VRK2: variants seen among roughly 807,000 people sequenced by gnomAD.
VRK2 encodes the protein VRK serine/threonine kinase 2, also known as serine/threonine-protein kinase VRK2.
In VRK2, 60 loss-of-function variants were observed where a neutral mutation model predicts 57.6. That is an observed-to-expected ratio of 1.04 (90% CI 0.85 to 1.29). VRK2 has a LOEUF of 1.29. VRK2 is among the 50% of genes most tolerant of loss of function. The probability of loss-of-function intolerance (pLI) is 0.00; values close to 1 mark genes in which losing one functional copy is unlikely to be tolerated. For missense variants in VRK2, 705 were observed against 588.1 expected (o/e 1.20, Z -2.06); for synonymous variants, 231 against 199.2 (o/e 1.16, Z -1.35).
In VRK2 at chr2:58,135,121, A is replaced by G. The variant is rs764522041; in HGVS notation, c.798-20A>G. 2 of 1,613,600 alleles carry G rather than the reference A, an allele frequency of 1.2e-6. No individual in the cohort carries two copies. Among genetic ancestry groups the G allele is most frequent in the Non-Finnish European group, 8.5e-7 (1 of 1,179,702 alleles). ...AGGGTTGAAAACATGTTCATTGTGC[A>G]TTACCTTATTTTGTTTTAGTCTGTT... On this transcript the variant is annotated intron_variant, in intron 9 of 12. Transcript: ENST00000340157.
At chr2:58,116,421 AC>A (rs1417199280) in intron 7 of VRK2, among the ~76,000 whole-genome samples, 1 of 151,782 alleles carries the variant, frequency 6.6e-6, no homozygotes, top group Non-Finnish European at 1.5e-5. Flanking sequence ...GGTGGGGATA[AC>A]TAAAAAAGAG....
intron 1 of VRK2, among the ~76,000 whole-genome samples, chr2:58,025,029 C>T (rs747068669): frequency 2.0e-4 from 31 of 152,216 alleles, no homozygotes; most frequent in African/African-American, 2.9e-4. Flanking sequence ...GGGCAAAGTA[C>T]GCTTCATATG....
intron 7 of VRK2, among the ~76,000 whole-genome samples, chr2:58,095,713 G>A (rs1039143750): frequency 2.0e-5 from 3 of 152,050 alleles, no homozygotes; most frequent in Non-Finnish European, 2.9e-5. Context: ...AGTAGATACA[G>A]TAGTTTTTCT....
At chr2:58,149,329 G>T (rs1302468460) in intron 12 of VRK2, among the ~76,000 whole-genome samples, 2 of 151,584 alleles carry the variant, frequency 1.3e-5, no homozygotes, top group African/African-American at 4.8e-5. Context: ...TATAGAAATA[G>T]AATTTATTTT....
chr2:58,045,668 G>T (rs1280953763), upstream of VRK2, among the ~76,000 whole-genome samples: 1 of 152,108 alleles, frequency 6.6e-6, no homozygotes, highest in Non-Finnish European at 1.5e-5. Flanking sequence ...CAGTCTGAAA[G>T]ATGTAGGGAG....
intron 6 of VRK2, 151 bp downstream of exon 6, chr2:58,088,597 G>C (rs1275080952): frequency 1.3e-5 from 9 of 669,452 alleles, no homozygotes; most frequent in Non-Finnish European, 2.1e-5. Flanking sequence ...TGGTGAAATT[G>C]ATAACAATGG....
At chr2:58,087,198 A>T (rs975521972) in intron 5 of VRK2, among the ~76,000 whole-genome samples, 1 of 152,190 alleles carries the variant, frequency 6.6e-6, no homozygotes, top group Non-Finnish European at 1.5e-5. Flanking sequence ...GCCTGTTAAA[A>T]TAGGTGATAT....
At chr2:57,932,365 A>G (rs1670757812) in intron 1 of VRK2, among the ~76,000 whole-genome samples, 1 of 152,108 alleles carries the variant, frequency 6.6e-6, no homozygotes, top group Admixed American at 6.6e-5. Context: ...TACCTATTCA[A>G]AATCCTTACT....
intron 1 of VRK2, among the ~76,000 whole-genome samples, chr2:57,989,316 G>A (rs538989181): frequency 3.9e-5 from 6 of 152,216 alleles, no homozygotes; most frequent in African/African-American, 9.6e-5. Flanking sequence ...GTGATTGGGT[G>A]GTATTTTATC....
chr2:57,911,697 G>A (rs890214699), intron 1 of VRK2, among the ~76,000 whole-genome samples: 6 of 152,200 alleles, frequency 3.9e-5, no homozygotes, highest in African/African-American at 1.4e-4. Flanking sequence ...AGTTTACAGT[G>A]ATAATCACAT....
intron 2 of VRK2, chr2:58,026,923 C>A (rs537433100): frequency 6.6e-6 from 1 of 150,398 alleles, no homozygotes; most frequent in African/African-American, 2.4e-5. Context: ...GAGATGGGAT[C>A]TCACTTTGTT....
intron 1 of VRK2, chr2:58,018,098 T>G (rs1673641070): frequency 6.6e-6 from 1 of 152,202 alleles, no homozygotes; most frequent in Non-Finnish European, 1.5e-5. Context: ...TAAAAGCGAT[T>G]CTCCTGCCTC....
intron 1 of VRK2, among the ~76,000 whole-genome samples, chr2:58,001,447 G>A (rs1335177396): frequency 6.6e-6 from 1 of 152,182 alleles, no homozygotes; most frequent in African/African-American, 2.4e-5. Flanking sequence ...GTTTTAGAAG[G>A]AAAATCTAAT....
chr2:57,987,045 A>G (rs1270404779), intron 1 of VRK2, among the ~76,000 whole-genome samples: 8 of 152,206 alleles, frequency 5.3e-5, no homozygotes, highest in Non-Finnish European at 1.2e-4. Flanking sequence ...CACCATATAC[A>G]AAAATTAAAT....
At chr2:57,913,752 C>T (rs1670062932) in intron 1 of VRK2, among the ~76,000 whole-genome samples, 1 of 152,006 alleles carries the variant, frequency 6.6e-6, no homozygotes, top group Admixed American at 6.6e-5. Flanking sequence ...ACTGCAGAGA[C>T]ATATGGAATA....
chr2:58,015,375 T>G (rs551373598), intron 1 of VRK2, among the ~76,000 whole-genome samples: 1 of 152,236 alleles, frequency 6.6e-6, no homozygotes, highest in Non-Finnish European at 1.5e-5. Context: ...CTATGAATCC[T>G]GGCCTTACTA....
At chr2:58,146,173 A>G in intron 11 of VRK2, 143 bp from the exon 12 acceptor site, 1 of 666,944 alleles carries the variant, frequency 1.5e-6, no homozygotes, top group Admixed American at 3.4e-5. Flanking sequence ...GTTTTTCTGT[A>G]ATGTCCACTT....
At chr2:58,085,093 A>C in intron 4 of VRK2, 143 bp downstream of exon 4, 1 of 657,100 alleles carries the variant, frequency 1.5e-6, no homozygotes, top group South Asian at 2.3e-5. Flanking sequence ...CTGTTACAAC[A>C]TATAAAAGCA....
chr2:57,917,458 T>A (rs1670194683), intron 1 of VRK2, among the ~76,000 whole-genome samples: 1 of 151,242 alleles, frequency 6.6e-6, no homozygotes, highest in Non-Finnish European at 1.5e-5. Context: ...AAAATAAAGA[T>A]GATAATGCCT....
Sources: gnomAD v4.1 joint callset for allele counts (sites outside exome capture counted in the v4.1 genomes callset) on GRCh38, gnomAD v4.1.1 for gene constraint, MANE v1.5 for transcripts, NCBI Gene and HGNC (gene_info 2026-07-23, HGNC 2026-07-21) for gene names.